The following SWI5 variants were observed in gnomAD, a reference collection of about 807,000 sequenced individuals.
The protein encoded by SWI5 is SWI5 homologous recombination repair protein, also known as DNA repair protein SWI5 homolog.
A neutral mutation model predicts 17.0 loss-of-function variants in SWI5; 12 were observed. The observed-to-expected ratio is 0.71, with a 90% CI of 0.45 to 1.14. The LOEUF is 1.14. Among genes scored for constraint, SWI5 ranks in the 50% most tolerant of loss-of-function variants. The probability of loss-of-function intolerance (pLI) is 0.00; values close to 1 mark genes in which losing one functional copy is unlikely to be tolerated. For missense variants in SWI5, 158 were observed against 162.2 expected, an observed-to-expected ratio of 0.97 and a Z score of 0.14; for synonymous variants, 61 against 64.0, an observed-to-expected ratio of 0.95 and a Z score of 0.22.
intron 4 of SWI5, chr9:128,286,481 T>C (rs2240956): frequency 0.32 from 53,243 of 164,494 alleles, 11,975 homozygotes; most frequent in African/African-American, 0.66. Flanking sequence ...CCAACACCTG[T>C]ATGTCATGCT....
In SWI5 at chr9:128,279,849, C is replaced by A. The variant is rs78810494; in HGVS notation, c.111+3094C>A. 8.3e-3 allele frequency among the ~76,000 whole-genome samples: 1,267 copies of A among 152,256 alleles called. 17 individuals carry two copies. The highest frequency in any genetic ancestry group is 0.029 in the African/African-American group (1,188 of 41,554). On this transcript the variant is annotated intron_variant, in intron 2 of 4. Transcript: ENST00000418976. ...TAGGTAACGGGTGCCTTCCCAGACA[C>A]TGGCATTACCGCTTGACCAAGGAGC...
intron 2 of SWI5, among the ~76,000 whole-genome samples, chr9:128,281,363 T>A (rs1213597897): frequency 6.6e-6 from 1 of 152,052 alleles, no homozygotes; most frequent in African/African-American, 2.4e-5. Context: ...ATCAGATATT[T>A]TCATTGTGAA....
upstream of SWI5, chr9:128,276,075 A>C: frequency 2.5e-6 from 4 of 1,573,908 alleles, 1 homozygote; most frequent in Non-Finnish European, 1.7e-6. Context: ...TGGAGCGCAG[A>C]ATGGGGGCGT....
In SWI5 at chr9:128,276,785, C is replaced by T. The variant is rs1177445640; in HGVS notation, c.111+30C>T. 3.1e-6 allele frequency: 5 copies of T among 1,587,578 alleles called. No homozygotes were observed. In the South Asian group the frequency reaches 4.5e-5, roughly 14 times the overall value. The stretch of plus-strand genomic sequence containing the variant: ...GTATTTCTTCCCCCACACCCCCTTT[C>T]CCATCCTCGACCTTCCCTTGTGCGC... On this transcript the variant is annotated intron_variant, in intron 2 of 4. Transcript: ENST00000418976.
intron 2 of SWI5, among the ~76,000 whole-genome samples, chr9:128,277,948 CTTTTTTTTTTTTT>C (rs71381748): frequency 4.9e-5 from 4 of 80,870 alleles, no homozygotes; most frequent in South Asian, 4.6e-4. Flanking sequence ...CATTCCTTCT[CTTTTTTTTTTTTT>C]TTTTTTTTTG....
intron 2 of SWI5, chr9:128,278,720 G>A: frequency 2.1e-6 from 1 of 467,282 alleles, no homozygotes; most frequent in Non-Finnish European, 4.4e-6. Flanking sequence ...ATATAGCCAG[G>A]ACGTGGCAGA....
chr9:128,281,506 G>A (rs1055003033), intron 2 of SWI5, among the ~76,000 whole-genome samples: 1 of 152,142 alleles, frequency 6.6e-6, no homozygotes, highest in Admixed American at 6.6e-5. Context: ...CCACTTCTGG[G>A]TCAGTCCAGT....
intron 4 of SWI5, among the ~76,000 whole-genome samples, chr9:128,288,423 T>G (rs1831681906): frequency 6.6e-6 from 1 of 152,196 alleles, no homozygotes; most frequent in African/African-American, 2.4e-5. Context: ...ATACAGTGGC[T>G]GGCACATGGC....
exon 3 of SWI5, chr9:128,284,583 A>C (rs751911634): frequency 7.4e-6 from 12 of 1,613,902 alleles, no homozygotes; most frequent in Non-Finnish European, 1.0e-5. Flanking sequence ...CAGAAACTGA[A>C]GGAGAAGAGG....
intron 2 of SWI5, among the ~76,000 whole-genome samples, chr9:128,279,711 C>T (rs1442191673): frequency 1.3e-5 from 2 of 152,146 alleles, no homozygotes; most frequent in East Asian, 3.9e-4. Context: ...GGGGTTTAGG[C>T]CTCCGGATGA....
chr9:128,287,557 CT>C (rs754816266), intron 4 of SWI5, among the ~76,000 whole-genome samples: 1,776 of 122,990 alleles, frequency 0.014, 11 homozygotes, highest in African/African-American at 0.04. Flanking sequence ...TGGCCTATCC[CT>C]TTTTTTTTTT....
rs780391410 is a variant in SWI5 at position 128,276,652 on chromosome 9, G to T, written c.63-55G>T. The stretch of plus-strand genomic sequence containing the variant: ...TCCTCCCGCATCCCCACAGTACCCC[G>T]TCCTCACAGCGGGCTGTGGGTCCAA... On this transcript the variant is annotated intron_variant, in intron 1 of 4. Transcript: ENST00000418976. The T allele has an allele frequency of 4.3e-6, 7 of 1,613,846 alleles. No individual in the cohort carries two copies. In the Admixed American group the frequency reaches 1.2e-4, roughly 27 times the overall value.
At chr9:128,281,888 A>G (rs556238609) in intron 2 of SWI5, among the ~76,000 whole-genome samples, 3 of 152,136 alleles carry the variant, frequency 2.0e-5, no homozygotes, top group African/African-American at 4.8e-5. Context: ...ACTGGGTGAC[A>G]TAGCAAGACC....
At chr9:128,275,800 T>C (rs1435401046), upstream of SWI5, 1 of 688,640 alleles carries the variant, frequency 1.5e-6, no homozygotes, top group East Asian at 3.2e-5. Context: ...CCCAGCCCGG[T>C]GTGCCTCAGG....
In SWI5 at chr9:128,285,903, G is replaced by A. The variant is rs764853101; in HGVS notation, c.234-36G>A. 6.9e-7 allele frequency: 1 copy of A among 1,459,538 alleles called. No homozygotes were observed. Among genetic ancestry groups the A allele is most frequent in the African/African-American group, 1.4e-5 (1 of 71,742 alleles). 90.4% of individuals were successfully genotyped at this position (1,459,538 alleles called of 1,614,324 possible). A position where few individuals can be genotyped will look rare whatever the true frequency, so the allele number is the denominator to read the frequency against. On this transcript the variant is annotated intron_variant, in intron 3 of 4. Transcript: ENST00000418976. This position sits in a 1 kb window ranked among gnomAD's most constrained non-coding sequence, Gnocchi z 4.8. ...GGGCCATCATCTGCTTTCTTAACTG[G>A]GCTGTCTTTCCCCCTCTCTCCATCG...
rs565286044 is a variant in SWI5, at chr9:128,278,592, G to A, written c.111+1837G>A. 108 of 459,104 alleles carry A rather than the reference G, an allele frequency of 2.4e-4. 1 individual carries two copies. Among genetic ancestry groups the A allele is most frequent in the South Asian group, 1.3e-3 (80 of 61,420 alleles). 28.4% of individuals were successfully genotyped at this position (459,104 alleles called of 1,614,324 possible). A position where few individuals can be genotyped will look rare whatever the true frequency, so the allele number is the denominator to read the frequency against. ...AAAAAAAAAAAGGAGGCTCTATTGAGCATTGTCCCATCAGCTTACTTTACA... is the reference window on the plus strand; with the variant it reads ...AAAAAAAAAAAGGAGGCTCTATTGAACATTGTCCCATCAGCTTACTTTACA... On this transcript the variant is annotated intron_variant, in intron 2 of 4. Transcript: ENST00000418976.
chr9:128,275,624 G>C (rs1305664665), upstream of SWI5: 10 of 760,820 alleles, frequency 1.3e-5, no homozygotes, highest in Non-Finnish European at 6.0e-6. Context: ...AGGGAGGTCG[G>C]ACTTCGGGGG....
intron 2 of SWI5, among the ~76,000 whole-genome samples, chr9:128,283,113 G>C (rs1454611864): frequency 2.0e-5 from 3 of 151,934 alleles, no homozygotes; most frequent in Non-Finnish European, 4.4e-5. Flanking sequence ...TCAGGAGTTC[G>C]AGACCAGCCT....
At chr9:128,276,028 T>A (rs1465720658), upstream of SWI5, 1 of 1,591,278 alleles carries the variant, frequency 6.3e-7, no homozygotes, top group Non-Finnish European at 8.6e-7. Flanking sequence ...CGCGCAGCTG[T>A]GCGACGGAGC....
Sources: gnomAD v4.1 joint callset for allele counts (sites outside exome capture counted in the v4.1 genomes callset) on GRCh38, gnomAD v4.1.1 for gene constraint, Gnocchi (gnomAD v3.1) non-coding constraint, MANE v1.5 for transcripts, NCBI Gene and HGNC (gene_info 2026-07-23, HGNC 2026-07-21) for gene names.